The following FSAF1 variants were observed in gnomAD, a reference collection of about 807,000 sequenced individuals.
The protein encoded by FSAF1 is 40S small subunit processome assembly factor 1.
At chr1:231,235,829 G>A in the FSAF1 span, among the ~76,000 whole-genome samples, 1 of 152,050 alleles carries the variant, frequency 6.6e-6, no homozygotes, top group Non-Finnish European at 1.5e-5. Context: ...TATATAAATG[G>A]TGGCCAAGTT....
At chr1:231,230,490 T>C in the FSAF1 span, among the ~76,000 whole-genome samples, 1 of 152,154 alleles carries the variant, frequency 6.6e-6, no homozygotes, top group Admixed American at 6.5e-5. Flanking sequence ...AATATGTGAC[T>C]CTTTATATCA....
chr1:231,240,818 G>A, the FSAF1 span, among the ~76,000 whole-genome samples: 1 of 152,172 alleles, frequency 6.6e-6, no homozygotes, highest in South Asian at 2.1e-4. This position sits in a 1 kb window ranked among gnomAD's most constrained non-coding sequence, Gnocchi z 4.1. Context: ...GAGTTGGAAG[G>A]TTTGATGAAT....
the FSAF1 span, among the ~76,000 whole-genome samples, chr1:231,236,300 G>T: frequency 6.6e-6 from 1 of 152,040 alleles, no homozygotes. Context: ...CATTTTACAG[G>T]TGTATGTGTT....
At chr1:231,237,504 A>G in the FSAF1 span, 2 of 152,382 alleles carry the variant, frequency 1.3e-5, no homozygotes, top group East Asian at 3.9e-4. Flanking sequence ...GCAGAGGGAA[A>G]CATGAGACTC....
At chr1:231,226,601 C>G in the FSAF1 span, 63 of 792,158 alleles carry the variant, frequency 8.0e-5, no homozygotes, top group African/African-American at 1.1e-3. Context: ...AGAGCTAACT[C>G]GAAGAAATGG....
At chr1:231,229,956 A>G in the FSAF1 span, among the ~76,000 whole-genome samples, 1 of 152,172 alleles carries the variant, frequency 6.6e-6, no homozygotes, top group Non-Finnish European at 1.5e-5. Flanking sequence ...TGAGCTTAAC[A>G]CCACTGAACT....
chr1:231,225,081 G>A, the FSAF1 span: 1 of 205,826 alleles, frequency 4.9e-6, no homozygotes, highest in Non-Finnish European at 9.8e-6. Flanking sequence ...TAACAAACAA[G>A]TATAAAGCAA....
the FSAF1 span, chr1:231,225,705 T>G: frequency 3.2e-6 from 2 of 633,936 alleles, no homozygotes; most frequent in African/African-American, 3.7e-5. Context: ...TGTGAAAGGC[T>G]GGGCCTGGCG....
chr1:231,229,196 C>G, the FSAF1 span: 2 of 1,583,026 alleles, frequency 1.3e-6, no homozygotes, highest in Admixed American at 1.7e-5. Flanking sequence ...CTCCAAAACA[C>G]TAGGATTAGC....
the FSAF1 span, among the ~76,000 whole-genome samples, chr1:231,235,239 G>A: frequency 2.6e-5 from 4 of 152,150 alleles, no homozygotes; most frequent in Admixed American, 6.5e-5. Context: ...AGTGGCTCAC[G>A]TCTGTAATCC....
chr1:231,239,879 C>A, the FSAF1 span, among the ~76,000 whole-genome samples: 1 of 152,352 alleles, frequency 6.6e-6, no homozygotes, highest in African/African-American at 2.4e-5. Flanking sequence ...TAGACACATT[C>A]AATGCCTTCA....
chr1:231,241,034 A>C, the FSAF1 span: 2 of 1,613,994 alleles, frequency 1.2e-6, no homozygotes, highest in Non-Finnish European at 1.7e-6. Flanking sequence ...CAAAGTCGTA[A>C]AGGTTCTGGA....
the FSAF1 span, among the ~76,000 whole-genome samples, chr1:231,234,416 A>G: frequency 1.3e-5 from 2 of 152,196 alleles, no homozygotes; most frequent in African/African-American, 4.8e-5. The surrounding 1 kb of genome is among the most constrained non-coding windows in gnomAD (Gnocchi z 4.0). Context: ...ATTGCTTAAA[A>G]GCATAAGAAT....
the FSAF1 span, among the ~76,000 whole-genome samples, chr1:231,228,410 C>T: frequency 2.6e-5 from 4 of 152,044 alleles, no homozygotes; most frequent in Admixed American, 6.6e-5. Context: ...ACCAGCTTGA[C>T]GACCATGGTG....
chr1:231,229,230 T>G, the FSAF1 span: 2 of 1,490,544 alleles, frequency 1.3e-6, no homozygotes, highest in Non-Finnish European at 1.9e-6. Context: ...AAATTCTTAT[T>G]TAGATCATCT....
At chr1:231,226,191 T>C in the FSAF1 span, among the ~76,000 whole-genome samples, 1 of 152,092 alleles carries the variant, frequency 6.6e-6, no homozygotes, top group African/African-American at 2.4e-5. Flanking sequence ...CATGAATGGC[T>C]TGGTGCTGTC....
At chr1:231,236,602 C>T in the FSAF1 span, 3 of 152,094 alleles carry the variant, frequency 2.0e-5, no homozygotes, top group Admixed American at 2.0e-4. Flanking sequence ...ACTCTTCTGT[C>T]TTTTCTATTA....
At chr1:231,234,644 C>T in the FSAF1 span, among the ~76,000 whole-genome samples, 1 of 152,140 alleles carries the variant, frequency 6.6e-6, no homozygotes, top group African/African-American at 2.4e-5. The surrounding 1 kb of genome is among the most constrained non-coding windows in gnomAD (Gnocchi z 4.0). Context: ...TTACCTCATG[C>T]CCTTGCATGA....
At chr1:231,226,251 G>C in the FSAF1 span, 1 of 175,784 alleles carries the variant, frequency 5.7e-6, no homozygotes, top group Non-Finnish European at 1.2e-5. Flanking sequence ...CTTCCCATGA[G>C]AGCTGTTTGT....
Sources: allele counts gnomAD v4.1 joint callset (sites outside exome capture counted in the v4.1 genomes callset), GRCh38; gene constraint gnomAD v4.1.1; non-coding constraint Gnocchi (gnomAD v3.1); transcripts MANE v1.5; gene names NCBI Gene and HGNC (gene_info 2026-07-23, HGNC 2026-07-21).